SRCAP: variants seen among roughly 807,000 people sequenced by gnomAD.
SRCAP encodes Snf2 related CREBBP activator protein, also known as chromatin remodeling protein SRCAP.
Under a neutral mutation model 263.1 loss-of-function variants are expected in SRCAP, and 46 were observed. That is an observed-to-expected ratio of 0.17 (90% CI 0.14 to 0.22). SRCAP has a LOEUF of 0.22. Ranked by LOEUF, SRCAP falls within the 10% of genes least tolerant of loss-of-function variation. The probability of loss-of-function intolerance (pLI) is 1.00; values close to 1 mark genes in which losing one functional copy is unlikely to be tolerated. For synonymous variants in SRCAP, 1,813 were observed against 1,662.1 expected, an observed-to-expected ratio of 1.09 and a Z score of -2.21; for missense variants, 3,695 against 4,181.9, an observed-to-expected ratio of 0.88 and a Z score of 3.21.
In SRCAP at chr16:30,737,194, C is replaced by G; in HGVS notation, c.7154C>G (p.Ala2385Gly). ...GGCACCCACCGGCGCAGTAAAAAGGCCAAAGCCCCTGAGAGGCCGGGGACT... is the reference window on the plus strand; with the variant it reads ...GGCACCCACCGGCGCAGTAAAAAGGGCAAAGCCCCTGAGAGGCCGGGGACT... Reference protein sequence around the residue: ...GGGTHRRSKKAKAPERPGTRV... With the variant: ...GGGTHRRSKKGKAPERPGTRV... The change falls in exon 34 of 34, where the codon GCC becomes GGC. Residue 2385 changes from alanine to glycine, a missense_variant. By Grantham distance (60) the Ala-to-Gly change is moderately conservative. Transcript: ENST00000262518. 6.2e-7 allele frequency: 1 copy of G among 1,614,098 alleles called. No individual in the cohort carries two copies. Among genetic ancestry groups the G allele is most frequent in the Non-Finnish European group, 8.5e-7 (1 of 1,180,018 alleles).
Position 30,724,492 on chromosome 16 carries a change from A to G in SRCAP, c.5068A>G (p.Thr1690Ala), listed in dbSNP as rs749939097. Residue 1690 changes from threonine to alanine, a missense_variant, in exon 25 of 34, where the codon ACT (threonine) becomes GCT (alanine). Physicochemically the swap from Thr to Ala is moderately conservative, Grantham distance 58 (BLOSUM62 0). Coordinates refer to ENST00000262518, the MANE Select transcript of SRCAP (RefSeq NM_006662.3). Reference sequence around the variant, plus strand: ...GGCCCTAGCCCCAGCTTTAGCACCCACTCTTGGAGGCTCATCTCCATCTCA... The same window carrying G: ...GGCCCTAGCCCCAGCTTTAGCACCCGCTCTTGGAGGCTCATCTCCATCTCA... The part of the protein sequence containing the change: ...TLALAPALAP[T>A]LGGSSPSQTL... The G allele has an allele frequency of 1.6e-5, 26 of 1,613,194 alleles. No homozygotes were observed. Among genetic ancestry groups the G allele is most frequent in the Admixed American group, 3.3e-5 (2 of 59,896 alleles).
chr16:30,723,333 T>G, intron 24 of SRCAP, 104 bp downstream of exon 24: 1 of 1,476,566 alleles, frequency 6.8e-7, no homozygotes, highest in Non-Finnish European at 9.0e-7. Context: ...CATATCAGCG[T>G]ACTGCCTTGA....
chr16:30,721,314 C>T lies in SRCAP; in HGVS notation c.3379C>T (p.Leu1127=). The change falls in exon 21 of 34, where the codon CTG becomes TTG. Residue 1127 remains leucine, a synonymous_variant. Coordinates refer to ENST00000262518, the MANE Select transcript of SRCAP (RefSeq NM_006662.3). ...SPAPPPGSSS[L]LKPLTVPPGY... Reference sequence around the variant, plus strand: ...AGCCCCACCTCCAGGCTCCTCTAGCCTGTTGAAGCCCCTGACAGTGCCACC... The same window carrying T: ...AGCCCCACCTCCAGGCTCCTCTAGCTTGTTGAAGCCCCTGACAGTGCCACC... 2.5e-6 allele frequency: 4 copies of T among 1,614,194 alleles called. No individual in the cohort carries two copies. Among genetic ancestry groups the T allele is most frequent in the Non-Finnish European group, 3.4e-6 (4 of 1,180,050 alleles).
chr16:30,729,132 G>A lies in SRCAP; in HGVS notation c.5825G>A (p.Gly1942Asp). The A allele has an allele frequency of 6.2e-7, 1 of 1,614,114 alleles. No individual in the cohort carries two copies. Among genetic ancestry groups the A allele is most frequent in the South Asian group, 1.1e-5 (1 of 91,078 alleles). Residue 1942 changes from glycine to aspartate, a missense_variant, in exon 26 of 34, where the codon GGC becomes GAC. By Grantham distance (94) the Gly-to-Asp change is moderately conservative. This residue lies in a region of SRCAP where 1,347 missense variants were observed against 1,304.4 expected (regional missense o/e 1.03). Transcript: ENST00000262518. ...VASPIGPRSP[G>D]PSHPTFWTYT... The stretch of plus-strand genomic sequence containing the variant: ...AGCCCCATCGGCCCTCGTTCTCCTG[G>A]CCCCAGCCACCCCACCTTTTGGACT...
rs748754994 is a variant in SRCAP, at chr16:30,724,265, C to T, written c.4841C>T (p.Pro1614Leu). Residue 1614 changes from proline to leucine, a missense_variant, in exon 25 of 34, where the codon CCA (proline) becomes CTA (leucine). This residue lies in a region of SRCAP where 1,347 missense variants were observed against 1,304.4 expected (regional missense o/e 1.03). Coordinates refer to ENST00000262518, the MANE Select transcript of SRCAP (RefSeq NM_006662.3). ...CTGGCTCCTCTTCCGGTCCTGGCAC[C>T]ATCGCCAGGTGCTGCTCCTGTCCTG... ...PPLAPLPVLAPSPGAAPVLAS... is the reference protein window; with the variant it reads ...PPLAPLPVLALSPGAAPVLAS... The T allele has an allele frequency of 3.1e-6, 5 of 1,614,160 alleles. No individual in the cohort carries two copies. Among genetic ancestry groups the T allele is most frequent in the Middle Eastern group, 1.6e-4 (1 of 6,062 alleles).
intron 30 of SRCAP, 65 bp from the exon 31 acceptor site, chr16:30,734,431 T>C: frequency 1.9e-6 from 3 of 1,603,730 alleles, no homozygotes; most frequent in Non-Finnish European, 2.6e-6. Flanking sequence ...ACCATCAGCC[T>C]TACAGCTTAG....
chr16:30,708,889 G>T (rs1443009577), intron 6 of SRCAP, among the ~76,000 whole-genome samples: 1 of 152,046 alleles, frequency 6.6e-6, no homozygotes, highest in Non-Finnish European at 1.5e-5. Context: ...TGCAATCTGG[G>T]CTTACTGCAA....
chr16:30,735,677 T>C (rs1398118641), intron 31 of SRCAP, among the ~76,000 whole-genome samples: 3 of 142,778 alleles, frequency 2.1e-5, no homozygotes, highest in African/African-American at 7.8e-5. Context: ...ACCTCCCGGG[T>C]TCAAGTGATT....
intron 16 of SRCAP, among the ~76,000 whole-genome samples, 170 bp downstream of exon 16, chr16:30,713,881 C>A (rs1250500864): frequency 6.7e-6 from 1 of 149,200 alleles, no homozygotes; most frequent in Non-Finnish European, 1.5e-5. Context: ...TGAGTGACCT[C>A]ATCTTAGTCA....
chr16:30,740,035 A>G lies in SRCAP; in HGVS notation c.*302A>G, dbSNP rs1198695191. 2 of 278,992 alleles carry G rather than the reference A, an allele frequency of 7.2e-6. No individual in the cohort carries two copies. Among genetic ancestry groups the G allele is most frequent in the African/African-American group, 4.5e-5 (2 of 44,706 alleles). 17.3% of individuals were successfully genotyped at this position (278,992 alleles called of 1,614,324 possible). On this transcript the variant is annotated 3_prime_UTR_variant, in exon 34 of 34. Coordinates refer to ENST00000262518, the MANE Select transcript of SRCAP (RefSeq NM_006662.3). Reference sequence around the variant, plus strand: ...GTCTTTCACACAGCCCCCCACCCTTAGGGGAAGGGGGAGGGGCTTCTCTAC... The same window carrying G: ...GTCTTTCACACAGCCCCCCACCCTTGGGGGAAGGGGGAGGGGCTTCTCTAC...
In SRCAP at chr16:30,711,734, C is replaced by T. The variant is rs888764765; in HGVS notation, c.1482C>T (p.Ser494=). ...AAGAGCCTCCTCAGGAGGATAGTAG[C>T]AGTCAGTCAGGTGAATATGTGGTCA... ...EAEEPPQEDS[S]SQSDSVEDRS... Residue 494 remains serine (S), a synonymous_variant, in exon 11 of 34, where the codon AGC becomes AGT. Coordinates refer to ENST00000262518, the MANE Select transcript of SRCAP (RefSeq NM_006662.3). 5 of 1,612,354 alleles carry T rather than the reference C, an allele frequency of 3.1e-6. No homozygotes were observed. The highest frequency in any genetic ancestry group is 1.7e-5 in the Admixed American group (1 of 59,798).
Position 30,713,658 on chromosome 16 carries a change from A to G in SRCAP, c.2440A>G (p.Met814Val), listed in dbSNP as rs1430094973. ...GTGGTTCTCTAATCCCCTAACTGGC[A>G]TGATTGAGGGCAGCCAAGAGTATAA... The part of the protein sequence containing the change: ...KEWFSNPLTG[M>V]IEGSQEYNEG... The change falls in exon 16 of 34, where the codon ATG becomes GTG. Residue 814 changes from methionine (M) to valine (V), a missense_variant. By Grantham distance (21) the Met-to-Val change is conservative. Around this residue, in one of 12 missense-constraint regions of SRCAP, gnomAD observed 121 missense variants for 330.7 expected, o/e 0.37. Transcript: ENST00000262518. The G allele has an allele frequency of 6.2e-7, 1 of 1,614,038 alleles. No individual in the cohort carries two copies. Among genetic ancestry groups the G allele is most frequent in the Non-Finnish European group, 8.5e-7 (1 of 1,180,042 alleles).
chr16:30,734,599 C>G lies in SRCAP; in HGVS notation c.6713C>G (p.Thr2238Ser). Residue 2238 changes from threonine to serine, a missense_variant, in exon 31 of 34, where the codon ACT becomes AGT. This residue lies in a region of SRCAP where 53 missense variants were observed against 45.6 expected (regional missense o/e 1.16). Coordinates refer to ENST00000262518, the MANE Select transcript of SRCAP (RefSeq NM_006662.3). ...EEEETVASKQ[T>S]HILEQALCRA... ...GAAGAGACTGTGGCCAGCAAGCAGA[C>G]TCATATTCTGGAGCAGGTAAAAAAA... is the stretch of plus-strand genomic sequence containing the variant. The G allele has an allele frequency of 6.2e-7, 1 of 1,613,956 alleles. No homozygotes were observed. The highest frequency in any genetic ancestry group is 8.5e-7 in the Non-Finnish European group (1 of 1,180,006).
Position 30,707,986 on chromosome 16 carries a change from C to T in SRCAP, c.633+274C>T, listed in dbSNP as rs147177072. Among the ~76,000 whole-genome samples, 466 of 152,300 alleles carry T rather than the reference C, an allele frequency of 3.1e-3. 4 individuals carry two copies. Among genetic ancestry groups the T allele is most frequent in the Middle Eastern group, 0.014 (4 of 294 alleles). ...ATGTATTTGTGCCACTTAGCACATGCTTAAATTCCGTCAAAGTTCCCACTG... is the reference window on the plus strand; with the variant it reads ...ATGTATTTGTGCCACTTAGCACATGTTTAAATTCCGTCAAAGTTCCCACTG... On this transcript the variant is annotated intron_variant, in intron 6 of 33. Coordinates refer to ENST00000262518, the MANE Select transcript of SRCAP (RefSeq NM_006662.3).
chr16:30,739,919 G>C lies in SRCAP; in HGVS notation c.*186G>C. 1 of 945,754 alleles carries C rather than the reference G, an allele frequency of 1.1e-6. No individual in the cohort carries two copies. Among genetic ancestry groups the C allele is most frequent in the South Asian group, 2.3e-5 (1 of 42,888 alleles). 58.6% of individuals were successfully genotyped at this position (945,754 alleles called of 1,614,324 possible). A position where few individuals can be genotyped will look rare whatever the true frequency, so the allele number is the denominator to read the frequency against. On this transcript the variant is annotated 3_prime_UTR_variant, in exon 34 of 34. Coordinates refer to ENST00000262518, the MANE Select transcript of SRCAP (RefSeq NM_006662.3). ...TGTCATGGAAATGGGGATCATCACA[G>C]TCCCCTTCCCCTTCACCCCACGTGG...
intron 8 of SRCAP, among the ~76,000 whole-genome samples, chr16:30,710,348 T>C (rs533304189): frequency 1.3e-5 from 2 of 152,304 alleles, no homozygotes; most frequent in East Asian, 3.9e-4. Flanking sequence ...TATTGCACTT[T>C]CCTCTTTAAA....
intron 30 of SRCAP, 22 bp downstream of exon 30, chr16:30,734,030 C>G: frequency 6.4e-7 from 1 of 1,573,142 alleles, no homozygotes; most frequent in South Asian, 1.2e-5. Context: ...GATCTTTTAG[C>G]CTATGCAGGA....
intron 14 of SRCAP, 63 bp downstream of exon 14, chr16:30,712,878 C>T (rs2052906316): frequency 7.0e-6 from 11 of 1,569,436 alleles, no homozygotes; most frequent in African/African-American, 2.7e-5. Context: ...AAGCCCTTTC[C>T]TCAGGTGAAT....
intron 19 of SRCAP, 61 bp from the exon 20 acceptor site, chr16:30,720,652 T>C (rs1432613731): frequency 2.7e-6 from 4 of 1,483,360 alleles, no homozygotes; most frequent in African/African-American, 1.4e-5. Context: ...TTCTTTTCTT[T>C]GATATTGCTA....
Sources: allele counts gnomAD v4.1 joint callset (sites outside exome capture counted in the v4.1 genomes callset), GRCh38; gene constraint gnomAD v4.1.1; regional missense constraint gnomAD v4.1.1; transcripts MANE v1.5; gene names NCBI Gene and HGNC (gene_info 2026-07-23, HGNC 2026-07-21).